WDFY4: variants seen among roughly 807,000 people sequenced by gnomAD.
WDFY4 encodes WD repeat- and FYVE domain-containing protein 4.
In WDFY4, 169 loss-of-function variants were observed where a neutral mutation model predicts 351.9. The observed-to-expected ratio is 0.48, with a 90% CI of 0.42 to 0.55. WDFY4 has a LOEUF of 0.55. Ranked by LOEUF, WDFY4 falls within the 20% of genes least tolerant of loss-of-function variation. The pLI, the probability that WDFY4 is intolerant of heterozygous loss-of-function variation, is 0.00. For missense variants in WDFY4, 3,803 were observed against 3,935.6 expected (o/e 0.97, Z 0.90); for synonymous variants, 1,622 against 1,574.6 (o/e 1.03, Z -0.71).
chr10:48,786,399 T>C (rs1198504862), intron 19 of WDFY4, among the ~76,000 whole-genome samples: 4 of 152,258 alleles, frequency 2.6e-5, no homozygotes, highest in Non-Finnish European at 4.4e-5. Context: ...TACACTTTTT[T>C]GTTTCTTAAT....
chr10:48,893,124 A>T (rs921050194), intron 44 of WDFY4, among the ~76,000 whole-genome samples: 7 of 152,232 alleles, frequency 4.6e-5, no homozygotes, highest in Non-Finnish European at 1.0e-4. Flanking sequence ...GTGTTTGCAG[A>T]CAATCCTTTG....
At position 48,788,605 on chromosome 10, in the gene WDFY4, C is replaced by T; in HGVS notation, c.3884C>T (p.Ser1295Phe). 6.4e-7 allele frequency: 1 copy of T among 1,551,798 alleles called. No homozygotes were observed. The highest frequency in any genetic ancestry group is 8.7e-7 in the Non-Finnish European group (1 of 1,147,004). Residue 1295 changes from serine to phenylalanine, a missense_variant, in exon 21 of 62, where the codon TCC becomes TTC. By Grantham distance (155) the Ser-to-Phe change is radical. Around this residue, in one of 3 missense-constraint regions of WDFY4, gnomAD observed 3,054 missense variants for 3,148.6 expected, o/e 0.97. Coordinates refer to ENST00000325239, the MANE Select transcript of WDFY4 (RefSeq NM_001394531.1). ...TCTTTTGGACTTCACATAGCCAGCT[C>T]CTCTATCACCAGTGTAGCGGACATC... ...RVSFGLHIAS[S>F]SITSVADIRN... is the part of the protein sequence containing the mutation.
intron 57 of WDFY4, among the ~76,000 whole-genome samples, chr10:48,971,102 C>T (rs1016939438): frequency 1.4e-4 from 22 of 152,150 alleles, no homozygotes; most frequent in South Asian, 4.1e-4. Context: ...CTGCATACTC[C>T]GGAACTTGCT....
chr10:48,865,353 T>A (rs1393962106), intron 39 of WDFY4, among the ~76,000 whole-genome samples: 7 of 152,244 alleles, frequency 4.6e-5, no homozygotes, highest in Admixed American at 2.6e-4. Flanking sequence ...TTTATTCTAT[T>A]ATGTGGTGTA....
intron 20 of WDFY4, among the ~76,000 whole-genome samples, chr10:48,787,871 C>CTTCTTTCT (rs1360967752): frequency 9.5e-6 from 1 of 105,460 alleles, no homozygotes; most frequent in Non-Finnish European, 1.8e-5. Flanking sequence ...CTTCTTCTTT[C>CTTCTTTCT]TTCTTTCTTT....
intron 27 of WDFY4, among the ~76,000 whole-genome samples, chr10:48,807,139 C>T (rs939062174): frequency 1.3e-5 from 2 of 152,184 alleles, no homozygotes; most frequent in African/African-American, 2.4e-5. Context: ...CAGGTTGCCT[C>T]ATCAGTCCTA....
In WDFY4 at chr10:48,727,530, C is replaced by T. The variant is rs1053250602; in HGVS notation, c.842C>T (p.Ala281Val). ...TCCAGGCTCACGGACACTCTCCCTG[C>T]CCCTGAAGTGAGCGAGGCTGTAAGC... ...NLSRLTDTLP[A>V]PEVSEAVSLI... Residue 281 changes from alanine (A) to valine (V), a missense_variant, in exon 7 of 62, where the codon GCC becomes GTC. By Grantham distance (64) the Ala-to-Val change is moderately conservative (BLOSUM62 0). Transcript: ENST00000325239. 6.4e-7 allele frequency: 1 copy of T among 1,551,694 alleles called. No individual in the cohort carries two copies. Among genetic ancestry groups the T allele is most frequent in the South Asian group, 1.2e-5 (1 of 84,070 alleles).
intron 19 of WDFY4, among the ~76,000 whole-genome samples, chr10:48,782,888 A>G (rs565416975): frequency 6.6e-6 from 1 of 152,280 alleles, no homozygotes; most frequent in Non-Finnish European, 1.5e-5. Context: ...GTGTGCATAC[A>G]CTGGGAATTT....
intron 12 of WDFY4, among the ~76,000 whole-genome samples, chr10:48,750,024 T>C (rs1321119014): frequency 6.6e-6 from 1 of 152,190 alleles, no homozygotes; most frequent in Non-Finnish European, 1.5e-5. Flanking sequence ...AGGCAATAGT[T>C]AAGGTTTCAT....
intron 39 of WDFY4, among the ~76,000 whole-genome samples, chr10:48,849,034 T>A (rs1432184419): frequency 2.0e-5 from 3 of 152,142 alleles, no homozygotes; most frequent in Non-Finnish European, 2.9e-5. Flanking sequence ...CACTCTGCCC[T>A]CCATGCATGG....
At chr10:48,810,893 C>T (rs976155890) in intron 29 of WDFY4, among the ~76,000 whole-genome samples, 158 bp downstream of exon 29, 1 of 152,304 alleles carries the variant, frequency 6.6e-6, no homozygotes, top group African/African-American at 2.4e-5. Flanking sequence ...ATGAGCCCAG[C>T]CCCCCTGACA....
chr10:48,689,515 G>A (rs887873854), intron 1 of WDFY4, among the ~76,000 whole-genome samples: 1 of 152,166 alleles, frequency 6.6e-6, no homozygotes, highest in Admixed American at 6.5e-5. Context: ...GATATATTGG[G>A]TTAAGTGAAA....
chr10:48,839,758 T>C (rs1430044889), intron 39 of WDFY4, among the ~76,000 whole-genome samples: 1 of 152,250 alleles, frequency 6.6e-6, no homozygotes, highest in Non-Finnish European at 1.5e-5. Flanking sequence ...AAAAGTCTTT[T>C]GAGTACGTAA....
rs1189099932 is a variant in WDFY4 at position 48,828,735 on chromosome 10, C to G, written c.6222-43C>G. On this transcript the variant is annotated intron_variant, in intron 36 of 61. Coordinates refer to ENST00000325239, the MANE Select transcript of WDFY4 (RefSeq NM_001394531.1). Reference sequence around the variant, plus strand: ...GAACAATAGAATGGTCTCAAGGAAACTGGAATTTATTGGATTTTAGTGAAA... The same window carrying G: ...GAACAATAGAATGGTCTCAAGGAAAGTGGAATTTATTGGATTTTAGTGAAA... 8 of 1,204,944 alleles carry G rather than the reference C, an allele frequency of 6.6e-6. No homozygotes were observed. In the East Asian group the frequency reaches 7.9e-5, roughly 12 times the overall value. The allele number at this position is 1,204,944 out of a possible 1,614,324, so 74.6% of individuals were successfully genotyped here. A position where few individuals can be genotyped will look rare whatever the true frequency, so the allele number is the denominator to read the frequency against.
At position 48,780,093 on chromosome 10, in the gene WDFY4, G is replaced by T; in HGVS notation, c.3550G>T (p.Asp1184Tyr). 1 of 1,552,074 alleles carries T rather than the reference G, an allele frequency of 6.4e-7. No individual in the cohort carries two copies. The highest frequency in any genetic ancestry group is 8.7e-7 in the Non-Finnish European group (1 of 1,147,046). ...GCATTGTACAGTTTCCACCTGTCTG[G>T]ATGGACAGGTCATTGGCTCTGCCAA... Reference protein sequence around the residue: ...KRHCTVSTCLDGQVIGSAKML... With the variant: ...KRHCTVSTCLYGQVIGSAKML... Residue 1184 changes from aspartate to tyrosine, a missense_variant, in exon 19 of 62, where the codon GAT (aspartate) becomes TAT (tyrosine). Asp to Tyr is a radical substitution (Grantham distance 160). This residue lies in a region of WDFY4 where 3,054 missense variants were observed against 3,148.6 expected (regional missense o/e 0.97). Coordinates refer to ENST00000325239, the MANE Select transcript of WDFY4 (RefSeq NM_001394531.1).
At chr10:48,693,200 G>A (rs142113689) in intron 1 of WDFY4, among the ~76,000 whole-genome samples, 1 of 152,222 alleles carries the variant, frequency 6.6e-6, no homozygotes, top group Non-Finnish European at 1.5e-5. Flanking sequence ...CATGGGAGCT[G>A]CGGAGGACGT....
intron 37 of WDFY4, among the ~76,000 whole-genome samples, 188 bp from the exon 38 acceptor site, chr10:48,830,511 TG>T (rs1271185331): frequency 6.6e-6 from 1 of 152,154 alleles, no homozygotes; most frequent in Admixed American, 6.5e-5. Flanking sequence ...TGGGTGTTGG[TG>T]GCATTGTTGT....
chr10:48,833,714 G>T (rs1207056283), intron 39 of WDFY4, among the ~76,000 whole-genome samples: 1 of 152,256 alleles, frequency 6.6e-6, no homozygotes, highest in Admixed American at 6.5e-5. Flanking sequence ...TTCTTCAGAG[G>T]TGGACTGTGG....
chr10:48,745,983 CT>C, intron 12 of WDFY4: 1 of 180,744 alleles, frequency 5.5e-6, no homozygotes. Flanking sequence ...GGTACTTCAG[CT>C]TATTTCTGTA....
Sources: allele counts gnomAD v4.1 joint callset (sites outside exome capture counted in the v4.1 genomes callset), GRCh38; gene constraint gnomAD v4.1.1; regional missense constraint gnomAD v4.1.1; transcripts MANE v1.5; gene names NCBI Gene and HGNC (gene_info 2026-07-23, HGNC 2026-07-21).